Variants in TRAPPC9 observed in about 807,000 individuals in gnomAD.
The protein encoded by TRAPPC9 is IKK2 binding protein.
TRAPPC9 carries 83 observed loss-of-function variants against 124.0 expected under a neutral mutation model. The observed-to-expected ratio is 0.67, with a 90% CI of 0.56 to 0.80. TRAPPC9 has a LOEUF of 0.80. Among genes scored for constraint, TRAPPC9 ranks in the 30% least tolerant of loss-of-function variants. The pLI is 0.00. For missense variants in TRAPPC9, 1,302 were observed against 1,508.3 expected (o/e 0.86, Z 2.27); for synonymous variants, 638 against 617.5 (o/e 1.03, Z -0.49).
chr8:140,367,545 G>C (rs1263268765), intron 8 of TRAPPC9, among the ~76,000 whole-genome samples: 1 of 152,158 alleles, frequency 6.6e-6, no homozygotes, highest in Non-Finnish European at 1.5e-5. Flanking sequence ...ACAGTAAAAG[G>C]GTCAGTGGTT....
At chr8:140,372,096 G>A (rs997670899) in intron 7 of TRAPPC9, among the ~76,000 whole-genome samples, 2 of 152,118 alleles carry the variant, frequency 1.3e-5, no homozygotes, top group African/African-American at 4.8e-5. Flanking sequence ...GGCAAATAAG[G>A]ACATTAACAG....
chr8:140,269,037 G>A (rs1237881740), intron 15 of TRAPPC9, among the ~76,000 whole-genome samples: 1 of 152,114 alleles, frequency 6.6e-6, no homozygotes, highest in East Asian at 1.9e-4. Context: ...TTCTGGGGTG[G>A]CGGAAACGTT....
chr8:139,860,973 G>A (rs1828101299), intron 21 of TRAPPC9, among the ~76,000 whole-genome samples: 1 of 152,240 alleles, frequency 6.6e-6, no homozygotes, highest in Admixed American at 6.5e-5. Context: ...CGGTGGAGCA[G>A]GCGTCTCACA....
intron 21 of TRAPPC9, among the ~76,000 whole-genome samples, chr8:139,740,269 T>C (rs1443472653): frequency 6.6e-6 from 1 of 152,254 alleles, no homozygotes; most frequent in African/African-American, 2.4e-5. Flanking sequence ...ACGGACATAA[T>C]TGTGTCTGGC....
rs1285490378 is a variant in TRAPPC9 at position 140,097,015 on chromosome 8, G to C, written c.2557-72936C>G. On this transcript the variant is annotated intron_variant, in intron 17 of 22. Coordinates refer to ENST00000438773, the MANE Select transcript of TRAPPC9 (RefSeq NM_001160372.4). The surrounding 1 kb of genome is among the most constrained non-coding windows in gnomAD (Gnocchi z 4.2). ...AGAGATGTGAAAACCTGTCCAGGTC[G>C]CTGGTGTATAGCCAGAACAATGGCA... 1.3e-5 allele frequency: 2 copies of C among 152,378 alleles called. No homozygotes were observed. Among genetic ancestry groups the C allele is most frequent in the Admixed American group, 1.3e-4 (2 of 15,288 alleles). The allele number at this position is 152,378 out of a possible 1,614,324, so 9.4% of individuals were successfully genotyped here.
intron 17 of TRAPPC9, among the ~76,000 whole-genome samples, chr8:140,179,091 GATTA>G (rs2062140520): frequency 6.6e-6 from 1 of 152,070 alleles, no homozygotes; most frequent in African/African-American, 2.4e-5. Flanking sequence ...TTGTAAAATT[GATTA>G]ATTTCTGATC....
chr8:140,420,030 A>G (rs1564012097), intron 5 of TRAPPC9, among the ~76,000 whole-genome samples: 2 of 151,786 alleles, frequency 1.3e-5, no homozygotes, highest in Non-Finnish European at 2.9e-5. Flanking sequence ...ACCAATACAC[A>G]AAAAATTGTG....
intron 15 of TRAPPC9, among the ~76,000 whole-genome samples, chr8:140,263,767 T>A (rs1397292551): frequency 6.6e-6 from 1 of 152,166 alleles, no homozygotes; most frequent in East Asian, 1.9e-4. Context: ...GTCCATCTGA[T>A]CCTAAATATT....
intron 1 of TRAPPC9, 53 bp downstream of exon 1, chr8:140,457,586 C>A (rs2071729653): frequency 1.0e-6 from 1 of 985,296 alleles, no homozygotes; most frequent in South Asian, 4.7e-5. Context: ...GCGCAGCCCT[C>A]CCCGCAGCCG....
intron 21 of TRAPPC9, among the ~76,000 whole-genome samples, chr8:139,810,993 C>T (rs1391761767): frequency 6.6e-6 from 1 of 152,204 alleles, no homozygotes; most frequent in East Asian, 1.9e-4. Flanking sequence ...AGGGCACAGC[C>T]ACTTGAGGAC....
intron 9 of TRAPPC9, among the ~76,000 whole-genome samples, chr8:140,316,206 A>G (rs2066439330): frequency 6.6e-6 from 1 of 152,164 alleles, no homozygotes; most frequent in Admixed American, 6.5e-5. Context: ...ATCAAGCAGA[A>G]TGGGAATTAA....
intron 17 of TRAPPC9, among the ~76,000 whole-genome samples, chr8:140,120,082 A>G (rs2060956529): frequency 1.3e-5 from 2 of 152,330 alleles, no homozygotes; most frequent in Non-Finnish European, 2.9e-5. Flanking sequence ...TTATTTCTTA[A>G]GGTGAACCCC....
chr8:140,010,417 C>T (rs1839043514), intron 18 of TRAPPC9, among the ~76,000 whole-genome samples: 1 of 151,902 alleles, frequency 6.6e-6, no homozygotes, highest in Admixed American at 6.6e-5. Flanking sequence ...AAAAGGTGAC[C>T]AAAATAATTT....
In TRAPPC9 at chr8:140,431,799, A is replaced by C. The variant is rs574946192; in HGVS notation, c.859+3313T>G. Among the ~76,000 whole-genome samples the C allele has an allele frequency of 3.1e-3, 468 of 152,308 alleles. 2 individuals carry two copies. The highest frequency in any genetic ancestry group is 6.8e-3 in the Middle Eastern group (2 of 294). On this transcript the variant is annotated intron_variant, in intron 4 of 22. Transcript: ENST00000438773. ...AACGAGGCTTTTCCATGACACCACA[A>C]CACCACCCACTAGCAAACATGCAAA...
At chr8:139,838,925 T>A (rs1826543416) in intron 21 of TRAPPC9, among the ~76,000 whole-genome samples, 1 of 152,078 alleles carries the variant, frequency 6.6e-6, no homozygotes, top group African/African-American at 2.4e-5. Context: ...AGGATCCAGG[T>A]CAGCTGATGT....
chr8:140,457,911 TGGGGAGGGAGGAG>T, upstream of TRAPPC9: 1 of 224,696 alleles, frequency 4.5e-6, no homozygotes, highest in Non-Finnish European at 6.5e-6. Context: ...GGAGGGGACA[TGGGGAGGGAGGAG>T]GAGGAGGGAG....
chr8:140,315,278 G>T (rs2066414070), intron 9 of TRAPPC9, among the ~76,000 whole-genome samples: 2 of 132,862 alleles, frequency 1.5e-5, no homozygotes, highest in Middle Eastern at 4.5e-3. Context: ...TTTAAGGGCT[G>T]ATTTTGAGAG....
intron 15 of TRAPPC9, among the ~76,000 whole-genome samples, chr8:140,265,008 C>T (rs1038183781): frequency 6.6e-5 from 10 of 152,170 alleles, no homozygotes; most frequent in African/African-American, 2.2e-4. Flanking sequence ...CGCCAAAACC[C>T]GTGTTCTCGT....
chr8:140,136,436 A>C (rs2061304808), intron 17 of TRAPPC9, among the ~76,000 whole-genome samples: 2 of 152,172 alleles, frequency 1.3e-5, no homozygotes. Flanking sequence ...TACTGAGCAC[A>C]TACATGCATT....
Sources: allele counts gnomAD v4.1 joint callset (sites outside exome capture counted in the v4.1 genomes callset), GRCh38; gene constraint gnomAD v4.1.1; non-coding constraint Gnocchi (gnomAD v3.1); transcripts MANE v1.5; gene names NCBI Gene and HGNC (gene_info 2026-07-23, HGNC 2026-07-21).